The following BUD13 variants were observed in gnomAD, a reference collection of about 807,000 sequenced individuals.
The protein encoded by BUD13 is BUD13 spliceosome associated protein.
Under a neutral mutation model 62.5 loss-of-function variants are expected in BUD13, and 47 were observed. That is an observed-to-expected ratio of 0.75 (90% CI 0.60 to 0.96). The LOEUF is 0.96. BUD13 is among the 40% of genes least tolerant of loss of function. BUD13 has a pLI of 0.00. For missense variants in BUD13, 821 were observed against 790.9 expected (o/e 1.04, Z -0.46); for synonymous variants, 293 against 280.1 (o/e 1.05, Z -0.46).
Position 116,760,955 on chromosome 11 carries a change from G to A in BUD13, c.1037-3C>T, listed in dbSNP as rs1234923369. On this transcript the variant is annotated splice_region_variant and splice_polypyrimidine_tract_variant and intron_variant, in intron 4 of 9. Coordinates refer to ENST00000260210, the MANE Select transcript of BUD13 (RefSeq NM_032725.4). Reference sequence around the variant, plus strand: ...ATCAGTTGCTTTCTGGCAGTCACCTGGATAGGAGCAAAGAATCTGTGTGAC... The same window carrying A: ...ATCAGTTGCTTTCTGGCAGTCACCTAGATAGGAGCAAAGAATCTGTGTGAC... 1 of 1,613,466 alleles carries A rather than the reference G, an allele frequency of 6.2e-7. No homozygotes were observed. Among genetic ancestry groups the A allele is most frequent in the Non-Finnish European group, 8.5e-7 (1 of 1,179,538 alleles).
At chr11:116,757,094 G>C in intron 9 of BUD13, 52 bp downstream of exon 9, 4 of 1,531,230 alleles carry the variant, frequency 2.6e-6, no homozygotes, top group East Asian at 2.3e-5. Flanking sequence ...ACTTACGAGT[G>C]GTTAGGGAAG....
chr11:116,769,863 C>A (rs539899892), intron 2 of BUD13, among the ~76,000 whole-genome samples: 1 of 151,752 alleles, frequency 6.6e-6, no homozygotes, highest in Non-Finnish European at 1.5e-5. Context: ...ACCAGCCTGG[C>A]CAACATGGTG....
chr11:116,767,291 C>T (rs1218325964), intron 2 of BUD13, among the ~76,000 whole-genome samples: 1 of 150,882 alleles, frequency 6.6e-6, no homozygotes, highest in Non-Finnish European at 1.5e-5. Context: ...TGATTCATTT[C>T]ACTAGTGTTC....
In BUD13 at chr11:116,757,960, A is replaced by T. The variant is rs186118053; in HGVS notation, c.1500-10T>A. The T allele has an allele frequency of 8.0e-5, 129 of 1,613,082 alleles. 1 individual carries two copies. The East Asian group carries it at 2.8e-3, about 35-fold the overall frequency. ...CCGGCTCTGGGCAAGCCTGGGCAAAAAGGAACCAAGAGTGTTTGCTATCCT... is the reference window on the plus strand; with the variant it reads ...CCGGCTCTGGGCAAGCCTGGGCAAATAGGAACCAAGAGTGTTTGCTATCCT... On this transcript the variant is annotated splice_polypyrimidine_tract_variant and intron_variant, in intron 7 of 9. Coordinates refer to ENST00000260210, the MANE Select transcript of BUD13 (RefSeq NM_032725.4).
At chr11:116,762,025 G>T (rs1230224406) in intron 4 of BUD13, among the ~76,000 whole-genome samples, 3 of 152,136 alleles carry the variant, frequency 2.0e-5, no homozygotes, top group Non-Finnish European at 4.4e-5. Context: ...AAAAAACTTA[G>T]AAATAACCAA....
At chr11:116,763,392 C>T (rs1471191780) in intron 3 of BUD13, 126 bp from the exon 4 acceptor site, 2 of 802,956 alleles carry the variant, frequency 2.5e-6, no homozygotes, top group African/African-American at 3.5e-5. Flanking sequence ...CCCAAAAGGC[C>T]TGCACAGTTT....
chr11:116,769,594 T>C (rs905695338), intron 2 of BUD13, among the ~76,000 whole-genome samples: 1 of 152,222 alleles, frequency 6.6e-6, no homozygotes, highest in African/African-American at 2.4e-5. Flanking sequence ...GTCCTCTCTC[T>C]GTGATCCATC....
intron 3 of BUD13, among the ~76,000 whole-genome samples, chr11:116,764,950 C>T (rs1218213725): frequency 6.6e-6 from 1 of 152,134 alleles, no homozygotes. Context: ...GAACAAAATA[C>T]ACTGGTCCTT....
intron 3 of BUD13, among the ~76,000 whole-genome samples, chr11:116,764,043 T>C (rs1162465086): frequency 6.6e-6 from 1 of 152,218 alleles, no homozygotes; most frequent in Non-Finnish European, 1.5e-5. Context: ...TGCTAATAAG[T>C]GGTAGAGGAA....
intron 3 of BUD13, among the ~76,000 whole-genome samples, chr11:116,764,317 A>G (rs1006712995): frequency 5.3e-5 from 8 of 152,182 alleles, no homozygotes; most frequent in African/African-American, 1.9e-4. Context: ...AACCAAGTCA[A>G]CTCCTTTACT....
chr11:116,751,626 G>A (rs112064363), intron 9 of BUD13, among the ~76,000 whole-genome samples: 4,699 of 150,590 alleles, frequency 0.031, 148 homozygotes, highest in East Asian at 0.13. Flanking sequence ...GCGAAATTCC[G>A]TCTCAAAAAA....
chr11:116,769,926 G>A lies in BUD13; in HGVS notation c.237+203C>T, dbSNP rs970531601. Among the ~76,000 whole-genome samples, 8 of 152,018 alleles carry A rather than the reference G, an allele frequency of 5.3e-5. No homozygotes were observed. The South Asian group carries it at 8.3e-4, about 16-fold the overall frequency. ...AAAAAAATTAGCCAGGCATGATGGCGGGTGCCTGTAATCCCAGCTACTCAG... is the reference window on the plus strand; with the variant it reads ...AAAAAAATTAGCCAGGCATGATGGCAGGTGCCTGTAATCCCAGCTACTCAG... On this transcript the variant is annotated intron_variant, in intron 2 of 9. Transcript: ENST00000260210.
Position 116,759,180 on chromosome 11 carries a change from C to T in BUD13, c.1255-1G>A. 1 of 1,612,194 alleles carries T rather than the reference C, an allele frequency of 6.2e-7. No homozygotes were observed. Among genetic ancestry groups the T allele is most frequent in the Non-Finnish European group, 8.5e-7 (1 of 1,178,374 alleles). ...TAGCCCCAGAATACATGTGTGCAGC[C>T]TATGCAACGGAAAAGGGAGCATCCA... On this transcript the variant is annotated splice_acceptor_variant, in intron 5 of 9. Coordinates refer to ENST00000260210, the MANE Select transcript of BUD13 (RefSeq NM_032725.4). LOFTEE classifies it high-confidence loss of function.
intron 3 of BUD13, among the ~76,000 whole-genome samples, chr11:116,763,894 C>A (rs543804185): frequency 1.7e-4 from 26 of 152,336 alleles, no homozygotes; most frequent in South Asian, 1.0e-3. Context: ...CAAGTAATTA[C>A]CAATCACCTA....
chr11:116,751,423 G>A (rs1178447084), intron 9 of BUD13, among the ~76,000 whole-genome samples: 2 of 152,184 alleles, frequency 1.3e-5, no homozygotes, highest in Non-Finnish European at 2.9e-5. Flanking sequence ...GAGATGAGAA[G>A]TTCGAGACCA....
intron 9 of BUD13, among the ~76,000 whole-genome samples, chr11:116,756,078 C>T (rs1940318864): frequency 6.6e-6 from 1 of 152,030 alleles, no homozygotes; most frequent in Non-Finnish European, 1.5e-5. Flanking sequence ...TATGGTGACA[C>T]ATGCCTGTAA....
chr11:116,757,560 G>A (rs937724717), intron 8 of BUD13, among the ~76,000 whole-genome samples: 8 of 151,506 alleles, frequency 5.3e-5, no homozygotes, highest in African/African-American at 1.9e-4. Context: ...TCGGCCTCCC[G>A]AAGTGCTAGG....
chr11:116,771,664 C>T (rs544248066), intron 1 of BUD13, among the ~76,000 whole-genome samples: 9 of 152,312 alleles, frequency 5.9e-5, no homozygotes, highest in African/African-American at 1.9e-4. Flanking sequence ...ACTCAAGCTA[C>T]TTTCATCACA....
intron 2 of BUD13, among the ~76,000 whole-genome samples, chr11:116,767,749 G>C (rs567272786): frequency 7.9e-5 from 12 of 151,760 alleles, no homozygotes; most frequent in African/African-American, 2.9e-4. Flanking sequence ...CTAGGCAGGA[G>C]GATCACTTGA....
Sources: gnomAD v4.1 joint callset for allele counts (sites outside exome capture counted in the v4.1 genomes callset) on GRCh38, gnomAD v4.1.1 for gene constraint, MANE v1.5 for transcripts, NCBI Gene and HGNC (gene_info 2026-07-23, HGNC 2026-07-21) for gene names.